Variants in RAPGEF6 observed in about 807,000 individuals in gnomAD.
RAPGEF6 encodes Rap guanine nucleotide exchange factor 6.
A neutral mutation model predicts 171.4 loss-of-function variants in RAPGEF6; 56 were observed. The observed-to-expected ratio is 0.33, with a 90% CI of 0.26 to 0.41. The LOEUF (loss-of-function observed/expected upper bound fraction) is 0.41, where lower values mean the gene tolerates loss of function less well. RAPGEF6 is among the 10% of genes least tolerant of loss of function. The pLI is 1.00. For synonymous variants in RAPGEF6, 692 were observed against 650.1 expected, an observed-to-expected ratio of 1.06 and a Z score of -0.98; for missense variants, 1,674 against 1,921.4, an observed-to-expected ratio of 0.87 and a Z score of 2.41.
At chr5:131,611,489 T>C (rs749731246) in intron 1 of RAPGEF6, among the ~76,000 whole-genome samples, 8 of 152,140 alleles carry the variant, frequency 5.3e-5, no homozygotes, top group African/African-American at 9.7e-5. Context: ...CTGGCTAATA[T>C]GGTGAAACCC....
intron 1 of RAPGEF6, among the ~76,000 whole-genome samples, chr5:131,612,201 A>ATTTTT (rs35306366): frequency 5.4e-4 from 45 of 83,320 alleles, no homozygotes; most frequent in African/African-American, 1.3e-3. Context: ...TGCTCAGCTA[A>ATTTTT]TTTTTTTTTT....
intron 14 of RAPGEF6, among the ~76,000 whole-genome samples, chr5:131,490,961 G>C (rs1008018114): frequency 3.3e-5 from 5 of 152,172 alleles, no homozygotes; most frequent in African/African-American, 9.7e-5. Context: ...TAACAATAAT[G>C]TAGATCTAAA....
chr5:131,621,741 C>A (rs1373106314), intron 1 of RAPGEF6, among the ~76,000 whole-genome samples: 1 of 152,042 alleles, frequency 6.6e-6, no homozygotes, highest in Non-Finnish European at 1.5e-5. Context: ...CGATCATGGG[C>A]CTAACTTATT....
chr5:131,482,130 T>C (rs1182903785), intron 15 of RAPGEF6, among the ~76,000 whole-genome samples: 1 of 152,170 alleles, frequency 6.6e-6, no homozygotes, highest in African/African-American at 2.4e-5. Context: ...CAGCGCAAGT[T>C]TATGAAAAGC....
intron 16 of RAPGEF6, among the ~76,000 whole-genome samples, chr5:131,474,400 A>G (rs1427975451): frequency 6.6e-6 from 1 of 152,204 alleles, no homozygotes; most frequent in Non-Finnish European, 1.5e-5. Context: ...CAGGAGGCAG[A>G]GGTTGCAGAG....
intron 21 of RAPGEF6, among the ~76,000 whole-genome samples, chr5:131,452,089 A>G (rs552105793): frequency 1.5e-3 from 230 of 152,172 alleles, no homozygotes; most frequent in South Asian, 4.1e-3. Flanking sequence ...GCGTAGTGGC[A>G]GGCGCCTGTT....
chr5:131,461,468 A>C lies in RAPGEF6; in HGVS notation c.2864+237T>G, dbSNP rs377557167. Among the ~76,000 whole-genome samples, 265 of 152,334 alleles carry C rather than the reference A, an allele frequency of 1.7e-3. 12 individuals carry two copies. In the South Asian group the frequency reaches 0.054, roughly 31 times the overall value. ...TGGAGATGAAGGGAGAGAAAGAAAA[A>C]TTAGAAGGCAATCACCCACTTTCAT... On this transcript the variant is annotated intron_variant, in intron 19 of 27. Transcript: ENST00000509018.
chr5:131,575,094 A>T (rs546968413), intron 4 of RAPGEF6, among the ~76,000 whole-genome samples: 1 of 151,566 alleles, frequency 6.6e-6, no homozygotes, highest in Non-Finnish European at 1.5e-5. Context: ...TCCCTCCACA[A>T]CTCATTATTC....
rs775171628 is a variant in RAPGEF6 at position 131,510,420 on chromosome 5, G to A, written c.699C>T (p.Asp233=). 4.3e-5 allele frequency: 70 copies of A among 1,613,702 alleles called. No individual in the cohort carries two copies. The highest frequency in any genetic ancestry group is 1.9e-5 in the Non-Finnish European group (22 of 1,179,954). Residue 233 remains aspartate, a synonymous_variant, in exon 8 of 28, where the codon GAC becomes GAT. Transcript: ENST00000509018. The part of the protein sequence containing the change: ...LPEGPVDSED[D]EEEDEEIDRT... ...GATCAATCTCTTCATCTTCCTCTTC[G>A]TCATCCTCAGAATCAACAGGTCCTT...
At chr5:131,584,948 T>C (rs1015831258) in intron 4 of RAPGEF6, among the ~76,000 whole-genome samples, 1 of 152,156 alleles carries the variant, frequency 6.6e-6, no homozygotes, top group Non-Finnish European at 1.5e-5. Context: ...CACTGGACAG[T>C]TACAGTAATA....
intron 13 of RAPGEF6, among the ~76,000 whole-genome samples, chr5:131,494,953 G>C (rs530944652): frequency 6.6e-6 from 1 of 152,254 alleles, no homozygotes; most frequent in East Asian, 1.9e-4. Flanking sequence ...TATAACACCA[G>C]GTTTATAAGC....
At chr5:131,625,931 GTATACC>G (rs1765900883) in intron 1 of RAPGEF6, among the ~76,000 whole-genome samples, 1 of 151,946 alleles carries the variant, frequency 6.6e-6, no homozygotes, top group Non-Finnish European at 1.5e-5. Flanking sequence ...CAGTCTACCT[GTATACC>G]TATAAGCCTC....
intron 6 of RAPGEF6, among the ~76,000 whole-genome samples, chr5:131,547,134 A>G (rs1561552248): frequency 6.6e-6 from 1 of 152,212 alleles, no homozygotes; most frequent in Non-Finnish European, 1.5e-5. Flanking sequence ...CAAACATTAG[A>G]GCTGCCTTAA....
intron 25 of RAPGEF6, among the ~76,000 whole-genome samples, chr5:131,431,617 ATT>A (rs745321572): frequency 6.9e-6 from 1 of 145,564 alleles, no homozygotes; most frequent in Non-Finnish European, 1.5e-5. Context: ...AATGTTAGAT[ATT>A]TTTTTTTTTT....
rs1192825876 is a variant in RAPGEF6, at chr5:131,504,757, C to T, written c.1123G>A (p.Asp375Asn). ...DCQFVCIAQQ[D>N]YWRILNHVEK... Reference sequence around the variant, plus strand: ...ACATGGTTTAAAATTCTCCAATAATCTTGCTGGGCTATGCAGACAAACTGT... The same window carrying T: ...ACATGGTTTAAAATTCTCCAATAATTTTGCTGGGCTATGCAGACAAACTGT... Residue 375 changes from aspartate (D) to asparagine (N), a missense_variant, in exon 11 of 28, where the codon GAT (aspartate) becomes AAT (asparagine). By Grantham distance (23) the Asp-to-Asn change is conservative. This residue lies in a region of RAPGEF6 where 1,116 missense variants were observed against 1,321.5 expected (regional missense o/e 0.84). Coordinates refer to ENST00000509018, the MANE Select transcript of RAPGEF6 (RefSeq NM_016340.6). 1.2e-6 allele frequency: 2 copies of T among 1,612,800 alleles called. No homozygotes were observed. The highest frequency in any genetic ancestry group is 2.7e-5 in the African/African-American group (2 of 74,832).
At chr5:131,497,242 T>C (rs1580919420) in intron 12 of RAPGEF6, among the ~76,000 whole-genome samples, 1 of 152,354 alleles carries the variant, frequency 6.6e-6, no homozygotes, top group South Asian at 2.1e-4. Flanking sequence ...TGTTGAGTTG[T>C]AAAAGTTCTT....
At chr5:131,445,141 T>C (rs1752602517) in intron 22 of RAPGEF6, among the ~76,000 whole-genome samples, 1 of 152,214 alleles carries the variant, frequency 6.6e-6, no homozygotes, top group East Asian at 1.9e-4. Flanking sequence ...ATGTAATAAA[T>C]GAAACTCAAA....
At chr5:131,587,209 T>A (rs1226714020) in intron 4 of RAPGEF6, among the ~76,000 whole-genome samples, 1 of 152,162 alleles carries the variant, frequency 6.6e-6, no homozygotes, top group Non-Finnish European at 1.5e-5. Context: ...TAAAAGGAAG[T>A]CCTACAACAC....
chr5:131,436,012 T>C, intron 24 of RAPGEF6: 7 of 1,536,864 alleles, frequency 4.6e-6, no homozygotes, highest in East Asian at 2.4e-5. Context: ...AGTGTTACTG[T>C]TGCCTTGGCT....
Sources: allele counts gnomAD v4.1 joint callset (sites outside exome capture counted in the v4.1 genomes callset), GRCh38; gene constraint gnomAD v4.1.1; regional missense constraint gnomAD v4.1.1; transcripts MANE v1.5; gene names NCBI Gene and HGNC (gene_info 2026-07-23, HGNC 2026-07-21).